The following IL4R variants were observed in gnomAD, a reference collection of about 807,000 sequenced individuals.
The protein encoded by IL4R is interleukin-4 receptor subunit alpha.
A neutral mutation model predicts 41.5 loss-of-function variants in IL4R; 17 were observed. The observed-to-expected ratio is 0.41, with a 90% confidence interval of 0.28 to 0.61. The LOEUF is 0.61. Ranked by LOEUF, IL4R falls within the 20% of genes least tolerant of loss-of-function variation. The pLI is 0.31. For synonymous variants in IL4R, 402 were observed against 422.9 expected (o/e 0.95, Z 0.61); for missense variants, 974 against 1,043.1 (o/e 0.93, Z 0.91).
At chr16:27,354,191 TATTG>T (rs1173899206) in intron 7 of IL4R, 2 of 152,210 alleles carry the variant, frequency 1.3e-5, no homozygotes, top group African/African-American at 4.8e-5. Context: ...GCAGTAGAAA[TATTG>T]ATTATCTCAC....
intron 1 of IL4R, among the ~76,000 whole-genome samples, chr16:27,323,877 T>C (rs897983451): frequency 1.3e-5 from 2 of 152,172 alleles, no homozygotes; most frequent in Admixed American, 1.3e-4. Context: ...CAGGCTGGTC[T>C]TGAACTCCTG....
intron 8 of IL4R, among the ~76,000 whole-genome samples, chr16:27,357,336 G>A (rs1056662678): frequency 6.6e-6 from 1 of 152,192 alleles, no homozygotes; most frequent in African/African-American, 2.4e-5. Flanking sequence ...CTGAAGTGCA[G>A]TGGCGCGGTT....
intron 1 of IL4R, 84 bp from the exon 2 acceptor site, chr16:27,329,982 G>C (rs1296858609): frequency 6.6e-6 from 1 of 152,002 alleles, no homozygotes; most frequent in African/African-American, 2.4e-5. Context: ...AAGAGGGAGA[G>C]GGGATAGGAG....
At position 27,337,650 on chromosome 16, in the gene IL4R, G is replaced by A. The variant is rs1391458354; in HGVS notation, c.-18-2536G>A. Among the ~76,000 whole-genome samples the A allele has an allele frequency of 3.3e-5, 5 of 151,138 alleles. No individual in the cohort carries two copies. In the East Asian group the frequency reaches 9.7e-4, roughly 29 times the overall value. The stretch of plus-strand genomic sequence containing the variant: ...CCTAGAGTGCAGTGGTGCCATCTCG[G>A]CTCACCACAACCTCCACCTCCTAGG... On this transcript the variant is annotated intron_variant, in intron 2 of 10. Coordinates refer to ENST00000395762, the MANE Select transcript of IL4R (RefSeq NM_000418.4).
At chr16:27,320,486 T>C (rs935866903) in intron 1 of IL4R, among the ~76,000 whole-genome samples, 1 of 152,156 alleles carries the variant, frequency 6.6e-6, no homozygotes, top group Non-Finnish European at 1.5e-5. Flanking sequence ...CTCATTTCCC[T>C]GAGGAGGAAC....
At chr16:27,355,952 A>G in intron 8 of IL4R, 45 bp downstream of exon 8, 1 of 1,363,384 alleles carries the variant, frequency 7.3e-7, no homozygotes, top group Non-Finnish European at 1.0e-6. Flanking sequence ...TCTGGAGTGC[A>G]GGGTGGCAGG....
chr16:27,363,042 G>A lies in IL4R; in HGVS notation c.1690G>A (p.Ala564Thr), dbSNP rs1273165957. ...LRRNVLQHGAAAAPVSAPTSG... is the reference protein window; with the variant it reads ...LRRNVLQHGATAAPVSAPTSG... ...CCGAAATGTCCTCCAGCATGGGGCA[G>A]CTGCAGCCCCCGTCTCGGCCCCCAC... The change falls in exon 11 of 11, where the codon GCT becomes ACT. Residue 564 changes from alanine (A) to threonine (T), a missense_variant. Physicochemically the swap from Ala to Thr is moderately conservative, Grantham distance 58. This residue lies in a region of IL4R where 682 missense variants were observed against 704.3 expected (regional missense o/e 0.97). Transcript: ENST00000395762. The A allele has an allele frequency of 6.2e-7, 1 of 1,614,144 alleles. No individual in the cohort carries two copies. The highest frequency in any genetic ancestry group is 8.5e-7 in the Non-Finnish European group (1 of 1,180,040).
rs1163577776 is a variant in IL4R, at chr16:27,346,579, C to G, written c.474C>G (p.Thr158=). Residue 158 remains threonine, a synonymous_variant, in exon 6 of 11, where the codon ACC becomes ACG. Coordinates refer to ENST00000395762, the MANE Select transcript of IL4R (RefSeq NM_000418.4). The part of the protein sequence containing the change: ...PPDNYLYNHL[T]YAVNIWSEND... ...ACAATTACCTGTATAATCATCTCAC[C>G]TATGCAGTCAACATTTGGAGTGAAA... is the stretch of plus-strand genomic sequence containing the variant. The G allele has an allele frequency of 2.5e-6, 4 of 1,614,040 alleles. No homozygotes were observed. Among genetic ancestry groups the G allele is most frequent in the African/African-American group, 1.3e-5 (1 of 74,920 alleles).
chr16:27,362,227 C>T, intron 10 of IL4R, 25 bp from the exon 11 acceptor site: 1 of 1,607,532 alleles, frequency 6.2e-7, no homozygotes, highest in Non-Finnish European at 8.5e-7. Context: ...CGAAACTGAA[C>T]CCTGACCAAC....
intron 7 of IL4R, chr16:27,355,511 C>G (rs1350616430): frequency 2.6e-6 from 1 of 378,110 alleles, no homozygotes; most frequent in Non-Finnish European, 5.0e-6. Flanking sequence ...AAGGAGCCAT[C>G]CGGCTCCTAA....
chr16:27,324,392 C>CT (rs1334946907), intron 1 of IL4R, among the ~76,000 whole-genome samples: 1 of 152,184 alleles, frequency 6.6e-6, no homozygotes, highest in Non-Finnish European at 1.5e-5. Context: ...GGCCTCCCTG[C>CT]TCACAGCCAG....
intron 3 of IL4R, chr16:27,341,196 A>AT (rs1228913203): frequency 1.4e-6 from 1 of 693,864 alleles, no homozygotes; most frequent in East Asian, 2.7e-5. Flanking sequence ...ACAGATTGGA[A>AT]TTGAGGTGAA....
chr16:27,343,518 C>G (rs3024549), intron 4 of IL4R, among the ~76,000 whole-genome samples: 5,829 of 152,228 alleles, frequency 0.038, 345 homozygotes, highest in African/African-American at 0.13. Context: ...CCTCTGCCTC[C>G]CGGGTTCAAG....
At chr16:27,347,691 G>A (rs1392762793) in intron 6 of IL4R, among the ~76,000 whole-genome samples, 1 of 152,132 alleles carries the variant, frequency 6.6e-6, no homozygotes, top group East Asian at 1.9e-4. Flanking sequence ...CATTCCCATT[G>A]GAGGGACAAT....
intron 8 of IL4R, among the ~76,000 whole-genome samples, chr16:27,358,302 G>A (rs1336304054): frequency 6.6e-6 from 1 of 152,242 alleles, no homozygotes; most frequent in African/African-American, 2.4e-5. Flanking sequence ...TCAGGGCCAG[G>A]CACAGTGAGT....
Position 27,345,093 on chromosome 16 carries a change from C to G in IL4R, c.361+73C>G. On this transcript the variant is annotated intron_variant, in intron 5 of 10. Coordinates refer to ENST00000395762, the MANE Select transcript of IL4R (RefSeq NM_000418.4). This position sits in a 1 kb window ranked among gnomAD's most constrained non-coding sequence, Gnocchi z 4.5. ...CTGCCTGGGCTGAGGGTGGGGTGGG[C>G]AGGGGAGGAGGTGGGGTCATAGCAA... The G allele has an allele frequency of 2.4e-6, 1 of 410,582 alleles. No individual in the cohort carries two copies. The highest frequency in any genetic ancestry group is 1.7e-5 in the South Asian group (1 of 58,876). 25.4% of individuals were successfully genotyped at this position (410,582 alleles called of 1,614,324 possible).
At chr16:27,358,330 C>G (rs1223360015) in intron 8 of IL4R, among the ~76,000 whole-genome samples, 1 of 152,202 alleles carries the variant, frequency 6.6e-6, no homozygotes, top group Non-Finnish European at 1.5e-5. Context: ...AGAAGGTGCT[C>G]AATAAATATG....
chr16:27,355,219 G>A, intron 7 of IL4R: 1 of 287,702 alleles, frequency 3.5e-6, no homozygotes, highest in Non-Finnish European at 7.3e-6. Context: ...TAAAAGCAGA[G>A]GAAGGGGATG....
intron 6 of IL4R, among the ~76,000 whole-genome samples, chr16:27,348,392 G>A (rs2085738325): frequency 6.6e-6 from 1 of 152,172 alleles, no homozygotes; most frequent in Non-Finnish European, 1.5e-5. Flanking sequence ...GAAGAGAAAG[G>A]TACCACCTTC....
Sources: allele counts gnomAD v4.1 joint callset (sites outside exome capture counted in the v4.1 genomes callset), GRCh38; gene constraint gnomAD v4.1.1; regional missense constraint gnomAD v4.1.1; non-coding constraint Gnocchi (gnomAD v3.1); transcripts MANE v1.5; gene names NCBI Gene and HGNC (gene_info 2026-07-23, HGNC 2026-07-21).